The following AP1G1 variants were observed in gnomAD, a reference collection of about 807,000 sequenced individuals.
AP1G1 encodes the protein adaptor related protein complex 1 subunit gamma 1, also known as AP-1 complex subunit gamma-1.
In AP1G1, 7 loss-of-function variants were observed where a neutral mutation model predicts 108.3. The observed-to-expected ratio is 0.06, with a 90% CI of 0.04 to 0.12. The LOEUF (loss-of-function observed/expected upper bound fraction) is 0.12, where lower values mean the gene tolerates loss of function less well. AP1G1 is among the 10% of genes least tolerant of loss of function. The probability of loss-of-function intolerance (pLI) is 1.00; values close to 1 mark genes in which losing one functional copy is unlikely to be tolerated. For missense variants in AP1G1, 756 were observed against 1,010.7 expected (o/e 0.75, Z 3.42); for synonymous variants, 379 against 353.5 (o/e 1.07, Z -0.81).
At chr16:71,807,841 C>A in intron 1 of AP1G1, 4 of 1,289,048 alleles carry the variant, frequency 3.1e-6, no homozygotes, top group Middle Eastern at 2.1e-4. Context: ...TTTCCGTGCT[C>A]AGGGATATAT....
At chr16:71,746,562 C>A (rs113428030) in intron 17 of AP1G1, 26 bp downstream of exon 17, 1 of 1,372,100 alleles carries the variant, frequency 7.3e-7, no homozygotes, top group Non-Finnish European at 1.0e-6. Flanking sequence ...AAGAGATACA[C>A]GCATTGCTTA....
intron 9 of AP1G1, 90 bp from the exon 10 acceptor site, chr16:71,761,657 G>T (rs1310281761): frequency 1.0e-6 from 1 of 961,734 alleles, no homozygotes; most frequent in Non-Finnish European, 1.6e-6. Context: ...GACCTCTGGT[G>T]CTTCACAGAC....
chr16:71,780,412 A>G (rs2031968888), intron 2 of AP1G1, among the ~76,000 whole-genome samples: 1 of 150,644 alleles, frequency 6.6e-6, no homozygotes, highest in Non-Finnish European at 1.5e-5. Flanking sequence ...GGATCGCTTG[A>G]GCCTCCTGTT....
Position 71,746,698 on chromosome 16 carries a change from G to A in AP1G1, c.1626-6C>T, listed in dbSNP as rs558973498. ...AAACCACTTTCTTAATTCGGCTATA[G>A]ATAAAATGACAAACGAAATAAAATA... On this transcript the variant is annotated splice_polypyrimidine_tract_variant and splice_region_variant and intron_variant, in intron 16 of 22. Transcript: ENST00000299980. 1.3e-6 allele frequency: 2 copies of A among 1,596,994 alleles called. No homozygotes were observed. The highest frequency in any genetic ancestry group is 1.3e-5 in the African/African-American group (1 of 74,656).
At chr16:71,792,997 G>C (rs1177514517) in intron 1 of AP1G1, among the ~76,000 whole-genome samples, 1 of 151,700 alleles carries the variant, frequency 6.6e-6, no homozygotes, top group Non-Finnish European at 1.5e-5. Context: ...CTGAAACCCT[G>C]TCTCTACAGA....
chr16:71,736,308 C>T (rs991282416), intron 21 of AP1G1, among the ~76,000 whole-genome samples: 1 of 148,468 alleles, frequency 6.7e-6, no homozygotes, highest in South Asian at 2.1e-4. Flanking sequence ...TGACAAGATA[C>T]CAATTTTTAA....
intron 19 of AP1G1, 81 bp from the exon 20 acceptor site, chr16:71,739,422 G>A (rs1056938762): frequency 3.0e-5 from 34 of 1,130,524 alleles, no homozygotes; most frequent in Middle Eastern, 2.1e-4. Flanking sequence ...AAATTATTTC[G>A]GTCTCAGGTT....
At chr16:71,744,568 T>C (rs1416412699) in intron 19 of AP1G1, among the ~76,000 whole-genome samples, 1 of 79,972 alleles carries the variant, frequency 1.3e-5, no homozygotes, top group East Asian at 4.7e-4. Context: ...AAAGAGAAAG[T>C]GTGTTTTTTT....
At chr16:71,738,331 T>A (rs1388469663) in intron 21 of AP1G1, among the ~76,000 whole-genome samples, 1 of 151,980 alleles carries the variant, frequency 6.6e-6, no homozygotes, top group Non-Finnish European at 1.5e-5. Context: ...AGTACTGGGA[T>A]TACAGCCGTG....
Position 71,732,953 on chromosome 16 carries a change from C to A in AP1G1, c.*105G>T, listed in dbSNP as rs919620204. ...TCCTCCTCAGCAGTTCTCTTCAGCT[C>A]CTCATGCCCGTGGTACAGTTGGGGG... On this transcript the variant is annotated 3_prime_UTR_variant, in exon 23 of 23. Transcript: ENST00000299980. 25 of 843,230 alleles carry A rather than the reference C, an allele frequency of 3.0e-5. No homozygotes were observed. The East Asian group carries it at 5.8e-4, about 20-fold the overall frequency. The allele number at this position is 843,230 out of a possible 1,614,324, so 52.2% of individuals were successfully genotyped here. A position where few individuals can be genotyped will look rare whatever the true frequency, so the allele number is the denominator to read the frequency against.
chr16:71,782,449 C>T (rs1429057525), intron 2 of AP1G1, among the ~76,000 whole-genome samples: 4 of 151,574 alleles, frequency 2.6e-5, no homozygotes, highest in African/African-American at 9.7e-5. Flanking sequence ...CAAGTTTAGT[C>T]ACCGCACCCA....
intron 1 of AP1G1, among the ~76,000 whole-genome samples, chr16:71,802,818 T>G (rs1250321555): frequency 6.6e-6 from 1 of 152,122 alleles, no homozygotes; most frequent in South Asian, 2.1e-4. Flanking sequence ...TGACTTGGCT[T>G]CCCAAAGTAC....
chr16:71,746,246 G>A (rs958806856), intron 17 of AP1G1, among the ~76,000 whole-genome samples: 2 of 152,160 alleles, frequency 1.3e-5, no homozygotes, highest in Non-Finnish European at 2.9e-5. Context: ...TCTTGACCTC[G>A]TGATCTGCCC....
chr16:71,748,230 C>A (rs1210329712), intron 16 of AP1G1, 21 bp downstream of exon 16: 2 of 1,603,952 alleles, frequency 1.2e-6, no homozygotes, highest in Non-Finnish European at 1.7e-6. Flanking sequence ...CCTGTTCACC[C>A]TATGTTTCTT....
chr16:71,791,955 T>A (rs1187921589), intron 1 of AP1G1, among the ~76,000 whole-genome samples: 1 of 151,902 alleles, frequency 6.6e-6, no homozygotes, highest in Non-Finnish European at 1.5e-5. Flanking sequence ...AGAGACAGGG[T>A]TTCACCATGT....
At chr16:71,776,409 A>G (rs1029989990) in intron 2 of AP1G1, among the ~76,000 whole-genome samples, 9 of 152,234 alleles carry the variant, frequency 5.9e-5, no homozygotes, top group Admixed American at 2.6e-4. Context: ...TCTTCTTCAC[A>G]TTGAATTTAA....
chr16:71,760,834 ACTACGC>A (rs1220648135), intron 10 of AP1G1, among the ~76,000 whole-genome samples: 3 of 152,214 alleles, frequency 2.0e-5, no homozygotes, highest in Admixed American at 2.0e-4. Flanking sequence ...GGGGTGAACC[ACTACGC>A]CTAGCTTCCA....
chr16:71,768,400 C>A (rs1443494463), intron 6 of AP1G1, among the ~76,000 whole-genome samples: 1 of 145,184 alleles, frequency 6.9e-6, no homozygotes, highest in Non-Finnish European at 1.5e-5. Flanking sequence ...ACTCAGGAGG[C>A]TGAGGGAGGA....
At chr16:71,749,776 C>T in intron 15 of AP1G1, 118 bp downstream of exon 15, 2 of 808,770 alleles carry the variant, frequency 2.5e-6, no homozygotes, top group Admixed American at 1.9e-5. Context: ...TAGGCATGAG[C>T]CACCACGCCT....
Sources: gnomAD v4.1 joint callset for allele counts (sites outside exome capture counted in the v4.1 genomes callset) on GRCh38, gnomAD v4.1.1 for gene constraint, MANE v1.5 for transcripts, NCBI Gene and HGNC (gene_info 2026-07-23, HGNC 2026-07-21) for gene names.